Variants in RPS6KC1 observed in about 807,000 individuals in gnomAD.
The protein encoded by RPS6KC1 is inactive ribosomal protein S6 kinase delta-1.
Under a neutral mutation model 103.8 loss-of-function variants are expected in RPS6KC1, and 54 were observed. The ratio of observed to expected loss-of-function variants is 0.52; its 90% CI spans 0.42 to 0.65. The LOEUF (loss-of-function observed/expected upper bound fraction) is 0.65. Ranked by LOEUF, RPS6KC1 falls within the 30% of genes least tolerant of loss-of-function variation. The pLI, the probability that RPS6KC1 is intolerant of heterozygous loss-of-function variation, is 0.00. For missense variants in RPS6KC1, 1,151 were observed against 1,253.8 expected, an observed-to-expected ratio of 0.92 and a Z score of 1.24; for synonymous variants, 439 against 438.7, an observed-to-expected ratio of 1.00 and a Z score of -0.01.
the RPS6KC1 span, among the ~76,000 whole-genome samples, chr1:213,515,882 T>A: frequency 6.6e-6 from 1 of 152,192 alleles, no homozygotes; most frequent in Non-Finnish European, 1.5e-5. Context: ...TTCTTCCATT[T>A]GTTTGTATCC....
the RPS6KC1 span, among the ~76,000 whole-genome samples, chr1:213,681,213 A>G: frequency 6.6e-6 from 1 of 152,068 alleles, no homozygotes; most frequent in Non-Finnish European, 1.5e-5. Flanking sequence ...ACCGCCAACC[A>G]TGTCTTGAAT....
the RPS6KC1 span, among the ~76,000 whole-genome samples, chr1:213,681,572 G>C: frequency 3.3e-5 from 5 of 152,232 alleles, no homozygotes; most frequent in South Asian, 2.1e-4. Context: ...CGAGGCAGGA[G>C]GATCACTTGA....
intron 4 of RPS6KC1, among the ~76,000 whole-genome samples, chr1:213,110,857 C>T (rs371754599): frequency 2.8e-4 from 42 of 152,264 alleles, no homozygotes; most frequent in African/African-American, 9.6e-4. Context: ...CTTTTCCTGA[C>T]TGCAACTTCA....
chr1:213,582,895 C>T, the RPS6KC1 span, among the ~76,000 whole-genome samples: 3 of 152,166 alleles, frequency 2.0e-5, no homozygotes, highest in African/African-American at 7.2e-5. Flanking sequence ...CCAGAAGCTT[C>T]TGTAAGCCCC....
chr1:213,497,890 A>T, the RPS6KC1 span, among the ~76,000 whole-genome samples: 1 of 152,084 alleles, frequency 6.6e-6, no homozygotes, highest in African/African-American at 2.4e-5. Flanking sequence ...GAAAAAATTT[A>T]AAAAATTTAA....
At chr1:213,537,252 C>G in the RPS6KC1 span, among the ~76,000 whole-genome samples, 1 of 152,110 alleles carries the variant, frequency 6.6e-6, no homozygotes, top group African/African-American at 2.4e-5. Flanking sequence ...CTCCTGAATT[C>G]CCTAGTTTGG....
At chr1:213,826,692 T>C in the RPS6KC1 span, among the ~76,000 whole-genome samples, 1 of 152,228 alleles carries the variant, frequency 6.6e-6, no homozygotes, top group Non-Finnish European at 1.5e-5. Flanking sequence ...TGACAATTAA[T>C]GAGTTCTTGC....
the RPS6KC1 span, among the ~76,000 whole-genome samples, chr1:213,479,543 C>T: frequency 6.6e-6 from 1 of 151,828 alleles, no homozygotes; most frequent in Non-Finnish European, 1.5e-5. Context: ...TGCCTGTTTT[C>T]TATGGTGCTG....
chr1:213,473,325 C>T, the RPS6KC1 span, among the ~76,000 whole-genome samples: 1 of 152,208 alleles, frequency 6.6e-6, no homozygotes, highest in Non-Finnish European at 1.5e-5. Context: ...TCTGCTATCC[C>T]CCAATAGTGG....
the RPS6KC1 span, among the ~76,000 whole-genome samples, chr1:213,295,419 G>T: frequency 6.6e-6 from 1 of 152,084 alleles, no homozygotes; most frequent in African/African-American, 2.4e-5. Flanking sequence ...TTGTAAAACT[G>T]GATTTTTGAT....
chr1:213,380,421 C>T, the RPS6KC1 span, among the ~76,000 whole-genome samples: 4 of 152,024 alleles, frequency 2.6e-5, no homozygotes, highest in Non-Finnish European at 5.9e-5. Context: ...ATAACAAACC[C>T]CCATGATATA....
At chr1:213,421,878 T>C in the RPS6KC1 span, among the ~76,000 whole-genome samples, 3 of 152,242 alleles carry the variant, frequency 2.0e-5, no homozygotes, top group African/African-American at 7.2e-5. Flanking sequence ...CCCGTCTCCC[T>C]CTGCCTAGTG....
chr1:213,146,206 C>T (rs936983463), intron 6 of RPS6KC1, among the ~76,000 whole-genome samples: 8 of 151,356 alleles, frequency 5.3e-5, no homozygotes, highest in African/African-American at 1.9e-4. Flanking sequence ...TCCATGGCGT[C>T]GCAAATGACA....
the RPS6KC1 span, chr1:213,818,335 T>A: frequency 2.0e-5 from 3 of 152,408 alleles, no homozygotes; most frequent in Non-Finnish European, 1.5e-5. Flanking sequence ...AAGTTATGAA[T>A]GCAAAGGAAA....
chr1:213,191,375 A>G (rs1483308359), intron 8 of RPS6KC1, among the ~76,000 whole-genome samples: 1 of 152,016 alleles, frequency 6.6e-6, no homozygotes, highest in African/African-American at 2.4e-5. Flanking sequence ...GTTAATTCCT[A>G]GGTATTTAAT....
At chr1:213,386,311 AC>A in the RPS6KC1 span, among the ~76,000 whole-genome samples, 1 of 151,914 alleles carries the variant, frequency 6.6e-6, no homozygotes, top group Non-Finnish European at 1.5e-5. Flanking sequence ...GCCAAAAAAA[AC>A]CCCTCTTTTT....
At chr1:213,367,192 G>A in the RPS6KC1 span, among the ~76,000 whole-genome samples, 1 of 152,200 alleles carries the variant, frequency 6.6e-6, no homozygotes, top group Non-Finnish European at 1.5e-5. Context: ...AGCCTCCTTT[G>A]TTCCAGATTC....
the RPS6KC1 span, among the ~76,000 whole-genome samples, chr1:213,470,611 A>ATTTTTTTTTTTTTTTTTTT: frequency 1.0e-5 from 1 of 99,806 alleles, no homozygotes; most frequent in African/African-American, 4.0e-5. Flanking sequence ...TTTATTCTTA[A>ATTTTTTTTTTTTTTTTTTT]TTTTTTTTTT....
chr1:213,214,516 T>C (rs530933773), intron 8 of RPS6KC1, among the ~76,000 whole-genome samples: 1 of 152,142 alleles, frequency 6.6e-6, no homozygotes, highest in Non-Finnish European at 1.5e-5. Flanking sequence ...TCTGACAGCT[T>C]TGAAGAGAGT....
Sources: gnomAD v4.1 joint callset for allele counts (sites outside exome capture counted in the v4.1 genomes callset) on GRCh38, gnomAD v4.1.1 for gene constraint, MANE v1.5 for transcripts, NCBI Gene and HGNC (gene_info 2026-07-23, HGNC 2026-07-21) for gene names.